PRKN: variants seen among roughly 807,000 people sequenced by gnomAD.
PRKN encodes E3 ubiquitin-protein ligase parkin.
PRKN carries 56 observed loss-of-function variants against 59.5 expected under a neutral mutation model. That is an observed-to-expected ratio of 0.94 (90% CI 0.76 to 1.18). The LOEUF (loss-of-function observed/expected upper bound fraction) is 1.18, where lower values mean the gene tolerates loss of function less well. PRKN is among the 50% of genes most tolerant of loss of function. PRKN has a pLI of 0.00. For missense variants in PRKN, 657 were observed against 596.4 expected, an observed-to-expected ratio of 1.10 and a Z score of -1.06; for synonymous variants, 250 against 222.1, an observed-to-expected ratio of 1.13 and a Z score of -1.12.
intron 7 of PRKN, among the ~76,000 whole-genome samples, chr6:161,607,979 A>T (rs996449872): frequency 1.6e-4 from 24 of 152,182 alleles, no homozygotes; most frequent in African/African-American, 5.3e-4. Context: ...TCTGAAAGAA[A>T]ATAGTGCCTT....
intron 7 of PRKN, among the ~76,000 whole-genome samples, chr6:161,646,641 G>A (rs975437962): frequency 6.6e-6 from 1 of 152,202 alleles, no homozygotes; most frequent in East Asian, 1.9e-4. Context: ...GTTCATACGC[G>A]TGGAGGAGGC....
At chr6:162,517,419 T>TG (rs2128192467) in intron 1 of PRKN, among the ~76,000 whole-genome samples, 1 of 117,080 alleles carries the variant, frequency 8.5e-6, no homozygotes, top group South Asian at 3.3e-4. Context: ...GACTAATTTG[T>TG]TTTTTTTTTT....
In PRKN at chr6:162,042,744, G is replaced by T. The variant is rs534805900; in HGVS notation, c.618+11347C>A. ...ATTCTCTAAAGTGTCTTCATATATT[G>T]TACATTGTGCTAGGTAATATGAGTT... On this transcript the variant is annotated intron_variant, in intron 5 of 11. Coordinates refer to ENST00000366898, the MANE Select transcript of PRKN (RefSeq NM_004562.3). Among the ~76,000 whole-genome samples the T allele has an allele frequency of 1.6e-4, 25 of 152,020 alleles. 1 individual carries two copies. The highest frequency in any genetic ancestry group is 1.0e-3 in the South Asian group (5 of 4,822).
At chr6:161,474,831 T>C (rs1053586487) in intron 9 of PRKN, among the ~76,000 whole-genome samples, 2 of 151,868 alleles carry the variant, frequency 1.3e-5, no homozygotes, top group Non-Finnish European at 2.9e-5. Context: ...CTCGATCTCC[T>C]GACCTCGTAA....
Position 161,409,773 on chromosome 6 carries a change from G to A in PRKN, c.1084-22896C>T, listed in dbSNP as rs928851963. 1.2e-4 allele frequency among the ~76,000 whole-genome samples: 19 copies of A among 152,302 alleles called. No individual in the cohort carries two copies. Among genetic ancestry groups the A allele is most frequent in the African/African-American group, 4.1e-4 (17 of 41,558 alleles). The stretch of plus-strand genomic sequence containing the variant: ...ATGACAACCCCTTCAGCACCGGCCT[G>A]AAGAAAGCGCAGGCCCAGTGGCAGT... On this transcript the variant is annotated intron_variant, in intron 9 of 11. Coordinates refer to ENST00000366898, the MANE Select transcript of PRKN (RefSeq NM_004562.3). This position sits in a 1 kb window ranked among gnomAD's most constrained non-coding sequence, Gnocchi z 4.6.
chr6:161,466,854 AGCTTTTTCCTTTCTGGGACAGTCACAC>A lies in PRKN; in HGVS notation c.1084-80004_1084-79978del, dbSNP rs1382895971. Among the ~76,000 whole-genome samples, 1 of 152,216 alleles carries A rather than the reference AGCTTTTTCCTTTCTGGGACAGTCACAC, an allele frequency of 6.6e-6. No individual in the cohort carries two copies. The highest frequency in any genetic ancestry group is 1.5e-5 in the Non-Finnish European group (1 of 68,030). On this transcript the variant is annotated intron_variant, in intron 9 of 11. Coordinates refer to ENST00000366898, the MANE Select transcript of PRKN (RefSeq NM_004562.3). The surrounding 1 kb of genome is among the most constrained non-coding windows in gnomAD (Gnocchi z 5.0). ...ACTATGGTTCTCAGATGGGCATACA[AGCTTTTTCCTTTCTGGGACAGTCACAC>A]GAAGTTAGTTAATGAGGGATTTTTA... is the stretch of plus-strand genomic sequence containing the variant.
At chr6:161,392,504 CCTCTCTCTCTCTCT>C (rs67425763) in intron 9 of PRKN, among the ~76,000 whole-genome samples, 11 of 145,308 alleles carry the variant, frequency 7.6e-5, no homozygotes, top group African/African-American at 2.5e-4. Context: ...ATAGTTCAAA[CCTCTCTCTCTCTCT>C]CTCTCTCTCT....
intron 1 of PRKN, among the ~76,000 whole-genome samples, chr6:162,717,307 T>A (rs559172157): frequency 6.6e-6 from 1 of 152,068 alleles, no homozygotes; most frequent in Non-Finnish European, 1.5e-5. Context: ...CTGGGCACAG[T>A]GGCTCACACC....
At chr6:162,076,192 C>A (rs954840751) in intron 4 of PRKN, among the ~76,000 whole-genome samples, 1 of 152,012 alleles carries the variant, frequency 6.6e-6, no homozygotes, top group South Asian at 2.1e-4. Context: ...TGGTCTCGAA[C>A]TCCTGACCTC....
intron 6 of PRKN, among the ~76,000 whole-genome samples, chr6:161,807,470 G>A (rs1034936565): frequency 3.9e-5 from 6 of 152,100 alleles, no homozygotes; most frequent in African/African-American, 1.2e-4. Flanking sequence ...CCATGACAAA[G>A]TACCACAAAC....
At chr6:162,103,412 A>C (rs1583036368) in intron 4 of PRKN, among the ~76,000 whole-genome samples, 1 of 152,194 alleles carries the variant, frequency 6.6e-6, no homozygotes, top group South Asian at 2.1e-4. Flanking sequence ...TAAAATAGGA[A>C]GAAACTGAAA....
chr6:162,288,534 G>C (rs1781294212), intron 2 of PRKN, among the ~76,000 whole-genome samples: 1 of 152,140 alleles, frequency 6.6e-6, no homozygotes, highest in Non-Finnish European at 1.5e-5. Flanking sequence ...CAAGTTCAGA[G>C]ACATGAAGTG....
intron 7 of PRKN, among the ~76,000 whole-genome samples, chr6:161,648,898 T>C (rs936487567): frequency 6.6e-5 from 10 of 152,186 alleles, no homozygotes; most frequent in Non-Finnish European, 1.2e-4. Flanking sequence ...GCAACGTCTC[T>C]TAGGAATAAA....
intron 1 of PRKN, among the ~76,000 whole-genome samples, chr6:162,493,385 G>A (rs1293046481): frequency 6.6e-6 from 1 of 152,132 alleles, no homozygotes; most frequent in Non-Finnish European, 1.5e-5. Flanking sequence ...TTCAGATGCG[G>A]TTGGTTACAA....
At chr6:161,818,001 G>A (rs1185918924) in intron 6 of PRKN, among the ~76,000 whole-genome samples, 5 of 152,160 alleles carry the variant, frequency 3.3e-5, no homozygotes, top group Non-Finnish European at 7.4e-5. Flanking sequence ...AGGAGCCATG[G>A]AAACAGAGAA....
intron 6 of PRKN, among the ~76,000 whole-genome samples, chr6:161,946,406 ACACACACACTCTCT>A (rs1352797954): frequency 1.0e-5 from 1 of 98,846 alleles, no homozygotes; most frequent in Non-Finnish European, 2.2e-5. Context: ...ACACACACAC[ACACACACACTCTCT>A]CTCTCTCTCT....
At chr6:161,875,064 C>T (rs191671082) in intron 6 of PRKN, among the ~76,000 whole-genome samples, 941 of 77,138 alleles carry the variant, frequency 0.012, 75 homozygotes, top group African/African-American at 0.058. Flanking sequence ...AAAGTATATA[C>T]ATTATATATA....
Position 162,404,112 on chromosome 6 carries a change from C to A in PRKN, c.171+39198G>T, listed in dbSNP as rs146722909. On this transcript the variant is annotated intron_variant, in intron 2 of 11. Coordinates refer to ENST00000366898, the MANE Select transcript of PRKN (RefSeq NM_004562.3). ...TTTGGCCGGGTGCAGTGGCTCATGC[C>A]TGTAATCCCAGCACTTTGGGAGGCT... 4.2e-3 allele frequency among the ~76,000 whole-genome samples: 644 copies of A among 152,218 alleles called. 7 individuals are homozygous for A. Among genetic ancestry groups the A allele is most frequent in the African/African-American group, 0.015 (603 of 41,548 alleles).
At chr6:161,635,671 G>A (rs1257083168) in intron 7 of PRKN, among the ~76,000 whole-genome samples, 2 of 152,122 alleles carry the variant, frequency 1.3e-5, no homozygotes, top group Admixed American at 6.5e-5. Context: ...TTTCCTGGAG[G>A]AGGGGCCCGG....
Sources: allele counts gnomAD v4.1 joint callset (sites outside exome capture counted in the v4.1 genomes callset), GRCh38; gene constraint gnomAD v4.1.1; non-coding constraint Gnocchi (gnomAD v3.1); transcripts MANE v1.5; gene names NCBI Gene and HGNC (gene_info 2026-07-23, HGNC 2026-07-21).